CNTN1: variants seen among roughly 807,000 people sequenced by gnomAD.
CNTN1 encodes contactin 1.
In CNTN1, 38 loss-of-function variants were observed where a neutral mutation model predicts 126.4. The ratio of observed to expected loss-of-function variants is 0.30; its 90% CI spans 0.23 to 0.39. The LOEUF (loss-of-function observed/expected upper bound fraction) is 0.39. Ranked by LOEUF, CNTN1 falls within the 10% of genes least tolerant of loss-of-function variation. CNTN1 has a pLI of 1.00. For missense variants in CNTN1, 1,009 were observed against 1,248.4 expected (o/e 0.81, Z 2.89); for synonymous variants, 413 against 422.6 (o/e 0.98, Z 0.28).
chr12:41,046,222 A>G (rs970558717), intron 23 of CNTN1, among the ~76,000 whole-genome samples: 8 of 152,110 alleles, frequency 5.3e-5, no homozygotes, highest in Non-Finnish European at 7.3e-5. Flanking sequence ...CACAACCGAA[A>G]CAGGAATTCA....
At chr12:40,705,116 G>C (rs1941705891) in intron 1 of CNTN1, among the ~76,000 whole-genome samples, 1 of 152,022 alleles carries the variant, frequency 6.6e-6, no homozygotes, top group South Asian at 2.1e-4. Flanking sequence ...CATTGTTCAG[G>C]GAAGTGTCAT....
chr12:41,032,258 T>C (rs529871388), intron 23 of CNTN1, among the ~76,000 whole-genome samples: 53 of 151,746 alleles, frequency 3.5e-4, no homozygotes, highest in Middle Eastern at 3.4e-3. Context: ...AACTCTCCTG[T>C]TAGAAAGATG....
intron 1 of CNTN1, among the ~76,000 whole-genome samples, chr12:40,744,172 A>C (rs1938071283): frequency 6.6e-6 from 1 of 152,106 alleles, no homozygotes; most frequent in African/African-American, 2.4e-5. Context: ...CAGGTTAAAT[A>C]GCAAATGCAT....
chr12:41,004,795 T>C (rs1316621800), intron 17 of CNTN1, among the ~76,000 whole-genome samples: 5 of 152,178 alleles, frequency 3.3e-5, no homozygotes, highest in African/African-American at 1.2e-4. Flanking sequence ...GGATTTTTCT[T>C]CATCACTTTA....
At chr12:40,806,765 G>A (rs980424414) in intron 1 of CNTN1, among the ~76,000 whole-genome samples, 1 of 152,026 alleles carries the variant, frequency 6.6e-6, no homozygotes, top group Non-Finnish European at 1.5e-5. Context: ...CCCTAGTGTG[G>A]CACTTCTTTC....
intron 23 of CNTN1, among the ~76,000 whole-genome samples, chr12:41,033,882 C>CAAA (rs34710701): frequency 9.3e-4 from 96 of 103,224 alleles, no homozygotes; most frequent in African/African-American, 3.1e-3. Flanking sequence ...ACTAAAAATA[C>CAAA]AAAAAAAAAA....
chr12:40,765,008 G>C (rs577059595), intron 1 of CNTN1, among the ~76,000 whole-genome samples: 1 of 151,722 alleles, frequency 6.6e-6, no homozygotes, highest in African/African-American at 2.4e-5. Flanking sequence ...TGTTCCATAA[G>C]CACTTGAAAA....
At chr12:40,995,400 A>AT (rs200096884) in intron 17 of CNTN1, among the ~76,000 whole-genome samples, 2,375 of 149,690 alleles carry the variant, frequency 0.016, 20 homozygotes, top group Middle Eastern at 0.034. Context: ...GAGAGGCTAC[A>AT]TTTTTTTTTT....
chr12:41,036,752 CT>C (rs898353757), intron 23 of CNTN1, among the ~76,000 whole-genome samples: 7 of 152,036 alleles, frequency 4.6e-5, no homozygotes, highest in African/African-American at 1.2e-4. Context: ...GTATATAGAC[CT>C]TTTTTCTGGA....
chr12:41,008,197 C>T (rs10879518), intron 17 of CNTN1, among the ~76,000 whole-genome samples: 3 of 151,990 alleles, frequency 2.0e-5, no homozygotes, highest in African/African-American at 7.3e-5. Context: ...GTCTGCAGCA[C>T]CATTTGGAGT....
intron 1 of CNTN1, among the ~76,000 whole-genome samples, chr12:40,831,371 C>T (rs540584752): frequency 6.6e-6 from 1 of 151,958 alleles, no homozygotes; most frequent in African/African-American, 2.4e-5. Context: ...GTTTAGACAA[C>T]AAGAAAATTT....
chr12:40,714,630 A>T (rs1446987625), intron 1 of CNTN1, among the ~76,000 whole-genome samples: 1 of 152,134 alleles, frequency 6.6e-6, no homozygotes, highest in Non-Finnish European at 1.5e-5. Flanking sequence ...GTAAGATGTC[A>T]GGGTTGTCAA....
chr12:40,913,430 T>C (rs1263227198), intron 3 of CNTN1, among the ~76,000 whole-genome samples: 1 of 152,190 alleles, frequency 6.6e-6, no homozygotes, highest in Non-Finnish European at 1.5e-5. Flanking sequence ...ACTGTAACAC[T>C]GTAAATGTAA....
At chr12:40,814,484 TTG>T (rs1941193030) in intron 1 of CNTN1, among the ~76,000 whole-genome samples, 1 of 152,356 alleles carries the variant, frequency 6.6e-6, no homozygotes, top group African/African-American at 2.4e-5. Flanking sequence ...TTTGTCAGGT[TTG>T]TCAAAGATCA....
intron 1 of CNTN1, among the ~76,000 whole-genome samples, chr12:40,752,246 A>G (rs963983235): frequency 6.6e-6 from 1 of 152,070 alleles, no homozygotes; most frequent in Non-Finnish European, 1.5e-5. Flanking sequence ...TTATTAGCCC[A>G]TGCCTTGGTG....
At chr12:40,901,877 C>T (rs1565910317) in intron 1 of CNTN1, among the ~76,000 whole-genome samples, 1 of 152,100 alleles carries the variant, frequency 6.6e-6, no homozygotes, top group Non-Finnish European at 1.5e-5. Flanking sequence ...TTGTTAATGA[C>T]TTCATAGAAA....
intron 1 of CNTN1, among the ~76,000 whole-genome samples, chr12:40,875,900 A>G (rs1565870616): frequency 6.6e-6 from 1 of 152,096 alleles, no homozygotes; most frequent in African/African-American, 2.4e-5. Flanking sequence ...TTACTAGGCC[A>G]TATCACATCC....
intron 19 of CNTN1, among the ~76,000 whole-genome samples, chr12:41,018,501 T>G (rs995097449): frequency 6.6e-6 from 1 of 152,074 alleles, no homozygotes; most frequent in Non-Finnish European, 1.5e-5. Flanking sequence ...CACCATTGTA[T>G]TCTATATATG....
At chr12:40,870,007 G>A (rs1943430876) in intron 1 of CNTN1, among the ~76,000 whole-genome samples, 1 of 152,088 alleles carries the variant, frequency 6.6e-6, no homozygotes, top group South Asian at 2.1e-4. Context: ...TTCTCATGCT[G>A]TTCTCATGAT....
Sources: allele counts gnomAD v4.1 joint callset (sites outside exome capture counted in the v4.1 genomes callset), GRCh38; gene constraint gnomAD v4.1.1; transcripts MANE v1.5; gene names NCBI Gene and HGNC (gene_info 2026-07-23, HGNC 2026-07-21).